PDE4D: variants seen among roughly 807,000 people sequenced by gnomAD.
PDE4D encodes the protein phosphodiesterase 4D, also known as 3',5'-cyclic-AMP phosphodiesterase 4D.
PDE4D carries 24 observed loss-of-function variants against 87.4 expected under a neutral mutation model. That is an observed-to-expected ratio of 0.27 (90% CI 0.20 to 0.39). The LOEUF is 0.39. Among genes scored for constraint, PDE4D ranks in the 10% least tolerant of loss-of-function variants. The pLI, the probability that PDE4D is intolerant of heterozygous loss-of-function variation, is 1.00. For synonymous variants in PDE4D, 384 were observed against 383.2 expected, an observed-to-expected ratio of 1.00 and a Z score of -0.02; for missense variants, 714 against 1,041.0, an observed-to-expected ratio of 0.69 and a Z score of 4.32.
rs1354913281 is a variant in PDE4D at position 59,321,138 on chromosome 5, A to G, written c.456-105170T>C. The stretch of plus-strand genomic sequence containing the variant: ...TGTTCAGTCTGTTTATTGTGCTTCT[A>G]TTGAGTTTTCATTCTCTCAGTCTGA... On this transcript the variant is annotated intron_variant, in intron 1 of 14. Transcript: ENST00000340635. Among the ~76,000 whole-genome samples, 3 of 151,968 alleles carry G rather than the reference A, an allele frequency of 2.0e-5. No homozygotes were observed. The South Asian group carries it at 6.2e-4, about 32-fold the overall frequency.
chr5:59,350,167 C>T (rs1780282655), intron 1 of PDE4D, among the ~76,000 whole-genome samples: 1 of 152,140 alleles, frequency 6.6e-6, no homozygotes, highest in Non-Finnish European at 1.5e-5. Context: ...ATAAGTCTTT[C>T]TCTTATTCAG....
At chr5:59,222,666 T>C (rs764864469) in intron 1 of PDE4D, among the ~76,000 whole-genome samples, 1 of 152,314 alleles carries the variant, frequency 6.6e-6, no homozygotes, top group Admixed American at 6.5e-5. Context: ...CAATGGCACA[T>C]AGAAAATATT....
At chr5:59,174,631 C>T (rs572931292) in intron 5 of PDE4D, among the ~76,000 whole-genome samples, 2 of 152,254 alleles carry the variant, frequency 1.3e-5, no homozygotes, top group South Asian at 4.1e-4. Flanking sequence ...AATTTTCAAG[C>T]TCATATACAA....
At chr5:60,333,732 A>T (rs550667341) in intron 1 of PDE4D, among the ~76,000 whole-genome samples, 1 of 152,238 alleles carries the variant, frequency 6.6e-6, no homozygotes, top group African/African-American at 2.4e-5. Context: ...GCATCCATCC[A>T]CACCTGTTGT....
intron 1 of PDE4D, among the ~76,000 whole-genome samples, chr5:60,238,801 A>C (rs893483597): frequency 6.6e-6 from 1 of 151,964 alleles, no homozygotes; most frequent in Non-Finnish European, 1.5e-5. Context: ...GTTTTTTAAA[A>C]ATGTTGTTGG....
chr5:59,619,191 G>A (rs1830063527), intron 1 of PDE4D, among the ~76,000 whole-genome samples: 1 of 151,996 alleles, frequency 6.6e-6, no homozygotes, highest in Non-Finnish European at 1.5e-5. Flanking sequence ...AATAAAATCT[G>A]ATGTCACTCA....
At chr5:59,433,526 T>C (rs1163763465) in intron 1 of PDE4D, among the ~76,000 whole-genome samples, 1 of 151,968 alleles carries the variant, frequency 6.6e-6, no homozygotes, top group African/African-American at 2.4e-5. Context: ...TGGAGAGAGG[T>C]AGTTGGGGAC....
intron 5 of PDE4D, among the ~76,000 whole-genome samples, chr5:59,142,423 C>T (rs561047551): frequency 5.3e-5 from 8 of 152,202 alleles, no homozygotes; most frequent in Non-Finnish European, 1.0e-4. Context: ...CCCAACACTA[C>T]GTATTATTCC....
Position 58,975,735 on chromosome 5 carries a change from T to C in PDE4D, c.1935A>G (p.Gln645=). 1 of 1,613,440 alleles carries C rather than the reference T, an allele frequency of 6.2e-7. No individual in the cohort carries two copies. The highest frequency in any genetic ancestry group is 8.5e-7 in the Non-Finnish European group (1 of 1,179,574). The change falls in exon 14 of 15, where the codon CAA becomes CAG. Residue 645 remains glutamine (Q), a synonymous_variant. Transcript: ENST00000340635. This position sits in a 1 kb window ranked among gnomAD's most constrained non-coding sequence, Gnocchi z 4.2. ...TGCCACGTTCCCTCTCTCGGTCTCC[T>C]TGGCGGAAGAACTCCTCCATTATCC... ...TDRIMEEFFR[Q]GDRERERGME... is the part of the protein sequence containing the mutation.
At chr5:59,252,088 G>A (rs466742) in intron 1 of PDE4D, among the ~76,000 whole-genome samples, 32,330 of 151,878 alleles carry the variant, frequency 0.21, 3,749 homozygotes, top group Non-Finnish European at 0.26. Context: ...CTTAATACCC[G>A]GGTGATGAAA....
intron 8 of PDE4D, among the ~76,000 whole-genome samples, chr5:58,991,512 C>T (rs1382248408): frequency 6.6e-6 from 1 of 152,098 alleles, no homozygotes; most frequent in African/African-American, 2.4e-5. Flanking sequence ...TCACAAAGCA[C>T]TTCTTTAATG....
At chr5:59,447,784 G>A (rs1047381845) in intron 1 of PDE4D, among the ~76,000 whole-genome samples, 1 of 152,196 alleles carries the variant, frequency 6.6e-6, no homozygotes, top group South Asian at 2.1e-4. Flanking sequence ...CTGACACCAA[G>A]CTGATCTTGC....
At chr5:59,760,589 A>T (rs994518292) in intron 1 of PDE4D, among the ~76,000 whole-genome samples, 1 of 152,158 alleles carries the variant, frequency 6.6e-6, no homozygotes, top group Admixed American at 6.6e-5. Flanking sequence ...TCTAGTCCTT[A>T]ATCAGGAATA....
chr5:59,065,926 A>G (rs1195611354), intron 5 of PDE4D, among the ~76,000 whole-genome samples: 1 of 152,166 alleles, frequency 6.6e-6, no homozygotes, highest in Non-Finnish European at 1.5e-5. Context: ...TAATATTCCT[A>G]TCTCATAAAG....
At chr5:59,568,484 G>A (rs1178141148) in intron 1 of PDE4D, among the ~76,000 whole-genome samples, 1 of 152,026 alleles carries the variant, frequency 6.6e-6, no homozygotes, top group Non-Finnish European at 1.5e-5. Flanking sequence ...TCCTTCCAAA[G>A]GGTAGGTATG....
intron 2 of PDE4D, among the ~76,000 whole-genome samples, chr5:60,129,601 T>C (rs1270855231): frequency 1.3e-5 from 2 of 152,162 alleles, no homozygotes; most frequent in East Asian, 3.9e-4. Context: ...AAGCTGGGCC[T>C]GCACTCATGT....
At chr5:59,311,499 C>CAAAAAAAAAAAAAAAAA (rs35020719) in intron 1 of PDE4D, among the ~76,000 whole-genome samples, 1 of 43,356 alleles carries the variant, frequency 2.3e-5, no homozygotes, top group African/African-American at 9.4e-5. Context: ...GACTCTGTCT[C>CAAAAAAAAAAAAAAAAA]AAAAAAAAAA....
At chr5:59,482,018 A>G (rs183240126) in intron 1 of PDE4D, among the ~76,000 whole-genome samples, 216 of 152,134 alleles carry the variant, frequency 1.4e-3, no homozygotes, top group Non-Finnish European at 2.4e-3. Flanking sequence ...GTGCTTACAA[A>G]ACCCACTTCT....
chr5:59,540,311 T>A (rs1278346820), intron 1 of PDE4D, among the ~76,000 whole-genome samples: 3 of 151,996 alleles, frequency 2.0e-5, no homozygotes, highest in African/African-American at 7.2e-5. Flanking sequence ...AAAGCCTGTA[T>A]TCCATGCTGA....
Sources: gnomAD v4.1 joint callset for allele counts (sites outside exome capture counted in the v4.1 genomes callset) on GRCh38, gnomAD v4.1.1 for gene constraint, Gnocchi (gnomAD v3.1) non-coding constraint, MANE v1.5 for transcripts, NCBI Gene and HGNC (gene_info 2026-07-23, HGNC 2026-07-21) for gene names.